Variants in EFHD2 observed in about 807,000 individuals in gnomAD.
EFHD2 encodes EF-hand domain family member D2, also known as EF-hand domain-containing protein D2.
Under a neutral mutation model 20.3 loss-of-function variants are expected in EFHD2, and 12 were observed. That is an observed-to-expected ratio of 0.59 (90% CI 0.38 to 0.96). The LOEUF is 0.96. EFHD2 is among the 40% of genes least tolerant of loss of function. EFHD2 has a pLI of 0.00. For missense variants in EFHD2, 250 were observed against 334.3 expected (o/e 0.75, Z 1.97); for synonymous variants, 131 against 143.9 (o/e 0.91, Z 0.64).
At chr1:15,425,623 C>T (rs910962801) in intron 1 of EFHD2, among the ~76,000 whole-genome samples, 1 of 152,080 alleles carries the variant, frequency 6.6e-6, no homozygotes, top group African/African-American at 2.4e-5. Flanking sequence ...CAGGCTTGTC[C>T]AAAAGTTAGC....
rs759547713 is a variant in EFHD2 at position 15,410,199 on chromosome 1, C to T, written c.228C>T (p.Ser76=). 1 of 1,605,898 alleles carries T rather than the reference C, an allele frequency of 6.2e-7. No individual in the cohort carries two copies. Among genetic ancestry groups the T allele is most frequent in the Non-Finnish European group, 8.5e-7 (1 of 1,177,136 alleles). ...GCATCGGCGAGCCCCAGTCGCCCAG[C>T]CGCCGCGTCTTCAACCCCTACACCG... ...NQGIGEPQSP[S]RRVFNPYTEF... The change falls in exon 1 of 4, where the codon AGC becomes AGT. Residue 76 remains serine, a synonymous_variant. Transcript: ENST00000375980.
chr1:15,409,963 C>T lies in EFHD2; in HGVS notation c.-9C>T. 2.4e-6 allele frequency: 3 copies of T among 1,234,318 alleles called. No individual in the cohort carries two copies. Among genetic ancestry groups the T allele is most frequent in the African/African-American group, 1.6e-5 (1 of 63,510 alleles). The allele number at this position is 1,234,318 out of a possible 1,614,324, so 76.5% of individuals were successfully genotyped here. A position where few individuals can be genotyped will look rare whatever the true frequency, so the allele number is the denominator to read the frequency against. ...GGGCCCGGCCAAGGCGAGTGCCGCG[C>T]GGGCCACCATGGCCACGGACGAGCT... On this transcript the variant is annotated 5_prime_UTR_variant, in exon 1 of 4. Coordinates refer to ENST00000375980, the MANE Select transcript of EFHD2 (RefSeq NM_024329.6).
intron 1 of EFHD2, among the ~76,000 whole-genome samples, chr1:15,417,772 C>T (rs1707702610): frequency 6.6e-6 from 1 of 152,174 alleles, no homozygotes; most frequent in Non-Finnish European, 1.5e-5. Context: ...CCAACACCCA[C>T]CCTGTCCAAT....
chr1:15,418,038 G>A (rs370469250), intron 1 of EFHD2, among the ~76,000 whole-genome samples: 31 of 133,346 alleles, frequency 2.3e-4, no homozygotes, highest in African/African-American at 8.6e-4. Flanking sequence ...CACCCAGGCT[G>A]GAGTGCAGTG....
intron 1 of EFHD2, among the ~76,000 whole-genome samples, chr1:15,412,121 G>A (rs918171538): frequency 6.6e-5 from 10 of 151,984 alleles, no homozygotes; most frequent in African/African-American, 1.2e-4. Context: ...TTGGCTCCAC[G>A]GTGTTTGGTT....
chr1:15,422,480 A>T (rs569360290), intron 1 of EFHD2, among the ~76,000 whole-genome samples: 6 of 149,878 alleles, frequency 4.0e-5, no homozygotes, highest in Non-Finnish European at 7.4e-5. Flanking sequence ...CATCCCCCCC[A>T]CCTCCGCCGC....
chr1:15,419,986 G>A (rs560136432), intron 1 of EFHD2, among the ~76,000 whole-genome samples: 8 of 152,202 alleles, frequency 5.3e-5, no homozygotes, highest in African/African-American at 1.2e-4. Flanking sequence ...GGGGCTTTGC[G>A]TCGGGCCTAG....
rs555746075 is a variant in EFHD2 at position 15,427,848 on chromosome 1, A to G, written c.591+564A>G. ...ACATTCCTTCCAGAGACTGCCTCCC[A>G]CCACCCTCTGGGCTTCGGAGCATTG... On this transcript the variant is annotated intron_variant, in intron 3 of 3. Transcript: ENST00000375980. 352 of 465,088 alleles carry G rather than the reference A, an allele frequency of 7.6e-4. 9 individuals are homozygous for G. Among genetic ancestry groups the G allele is most frequent in the South Asian group, 5.3e-3 (342 of 64,170 alleles). The allele number at this position is 465,088 out of a possible 1,614,324, so 28.8% of individuals were successfully genotyped here.
Position 15,429,061 on chromosome 1 carries a change from T to C in EFHD2, c.*337T>C, listed in dbSNP as rs1048891524. On this transcript the variant is annotated 3_prime_UTR_variant, in exon 4 of 4. Transcript: ENST00000375980. The stretch of plus-strand genomic sequence containing the variant: ...TGGCCCTAGGTCCCTCCCAGCCCCA[T>C]GTGCCTGCCGCCTGCCCTCCACACA... The C allele has an allele frequency of 3.3e-4, 100 of 300,336 alleles. 1 individual carries two copies. The highest frequency in any genetic ancestry group is 9.8e-5 in the Non-Finnish European group (15 of 153,188). 18.6% of individuals were successfully genotyped at this position (300,336 alleles called of 1,614,324 possible). A position where few individuals can be genotyped will look rare whatever the true frequency, so the allele number is the denominator to read the frequency against.
chr1:15,424,268 C>G (rs1176899126), intron 1 of EFHD2, among the ~76,000 whole-genome samples: 4 of 152,092 alleles, frequency 2.6e-5, no homozygotes, highest in African/African-American at 9.7e-5. Flanking sequence ...TACGCTGTTC[C>G]CAGAGACCAG....
chr1:15,411,159 CT>C (rs1707497651), intron 1 of EFHD2, among the ~76,000 whole-genome samples: 2 of 149,250 alleles, frequency 1.3e-5, no homozygotes, highest in South Asian at 4.4e-4. Flanking sequence ...CGCTCCCCTG[CT>C]TCTGTCGCAA....
chr1:15,410,934 G>A (rs1397075463), intron 1 of EFHD2, among the ~76,000 whole-genome samples: 1 of 152,116 alleles, frequency 6.6e-6, no homozygotes, highest in Admixed American at 6.5e-5. Context: ...TGGGGGCAAA[G>A]ACTTGCCCTT....
At chr1:15,424,414 A>ACACAGAGTCTAGGCCAC (rs1553132939) in intron 1 of EFHD2, among the ~76,000 whole-genome samples, 1 of 152,066 alleles carries the variant, frequency 6.6e-6, no homozygotes, top group Non-Finnish European at 1.5e-5. Context: ...CTAGACTCTT[A>ACACAGAGTCTAGGCCAC]CTACACAGAA....
chr1:15,413,280 G>T lies in EFHD2; in HGVS notation c.308+3001G>T, dbSNP rs1354152238. ...GAGGCAGGAGACCATGAGGTCAGCA[G>T]GAGAATGGGAGCCAGCCTTTCCTTG... On this transcript the variant is annotated intron_variant, in intron 1 of 3. Transcript: ENST00000375980. The surrounding 1 kb of genome is among the most constrained non-coding windows in gnomAD (Gnocchi z 4.4). Among the ~76,000 whole-genome samples, 1 of 152,172 alleles carries T rather than the reference G, an allele frequency of 6.6e-6. No homozygotes were observed. Among genetic ancestry groups the T allele is most frequent in the African/African-American group, 2.4e-5 (1 of 41,450 alleles).
intron 1 of EFHD2, among the ~76,000 whole-genome samples, chr1:15,411,093 G>C (rs1443903280): frequency 6.6e-6 from 1 of 151,672 alleles, no homozygotes; most frequent in Non-Finnish European, 1.5e-5. Context: ...GGTTTGGAAG[G>C]CCTCCCTCCC....
intron 1 of EFHD2, among the ~76,000 whole-genome samples, chr1:15,421,809 C>T (rs1438694074): frequency 6.6e-6 from 1 of 152,208 alleles, no homozygotes; most frequent in Admixed American, 6.5e-5. Flanking sequence ...GTGGCCTCAC[C>T]AACAGCCCTC....
chr1:15,427,127 G>A lies in EFHD2; in HGVS notation c.457-23G>A, dbSNP rs376185877. On this transcript the variant is annotated intron_variant, in intron 2 of 3. Coordinates refer to ENST00000375980, the MANE Select transcript of EFHD2 (RefSeq NM_024329.6). Reference sequence around the variant, plus strand: ...CCTCCTTCCCTCCCTTCCTGACACCGCGCGCCTCCCTCCCCGCTGCAGTTC... The same window carrying A: ...CCTCCTTCCCTCCCTTCCTGACACCACGCGCCTCCCTCCCCGCTGCAGTTC... 16 of 1,608,488 alleles carry A rather than the reference G, an allele frequency of 9.9e-6. No individual in the cohort carries two copies. In the African/African-American group the frequency reaches 1.2e-4, roughly 12 times the overall value.
chr1:15,412,595 C>T (rs992242707), intron 1 of EFHD2, among the ~76,000 whole-genome samples: 43 of 152,318 alleles, frequency 2.8e-4, no homozygotes, highest in South Asian at 1.7e-3. Context: ...TCCCCAACCC[C>T]AGCCCCCGTC....
chr1:15,414,574 C>T (rs1707618558), intron 1 of EFHD2, among the ~76,000 whole-genome samples: 1 of 152,262 alleles, frequency 6.6e-6, no homozygotes, highest in African/African-American at 2.4e-5. Context: ...TACACCCTCT[C>T]CTGGGCCCCT....
Sources: gnomAD v4.1 joint callset for allele counts (sites outside exome capture counted in the v4.1 genomes callset) on GRCh38, gnomAD v4.1.1 for gene constraint, Gnocchi (gnomAD v3.1) non-coding constraint, MANE v1.5 for transcripts, NCBI Gene and HGNC (gene_info 2026-07-23, HGNC 2026-07-21) for gene names.